The following ZMYM2 variants were observed in gnomAD, a reference collection of about 807,000 sequenced individuals.
ZMYM2 encodes zinc finger MYM-type protein 2.
In ZMYM2, 56 loss-of-function variants were observed where a neutral mutation model predicts 162.8. The observed-to-expected ratio is 0.34, with a 90% CI of 0.28 to 0.43. ZMYM2 has a LOEUF of 0.43. Among genes scored for constraint, ZMYM2 ranks in the 20% least tolerant of loss-of-function variants. The pLI is 1.00. For missense variants in ZMYM2, 1,275 were observed against 1,621.8 expected (o/e 0.79, Z 3.67); for synonymous variants, 510 against 541.6 (o/e 0.94, Z 0.81).
chr13:19,923,642 A>G, the ZMYM2 span, among the ~76,000 whole-genome samples: 1 of 146,144 alleles, frequency 6.8e-6, no homozygotes, highest in Non-Finnish European at 1.5e-5. Flanking sequence ...TACAAGTGTG[A>G]ACCACAATAC....
Position 20,083,673 on chromosome 13 carries a change from A to G in ZMYM2, c.3838A>G (p.Lys1280Glu). ...TTTTTAAGATAAAATTACTACTGGA[A>G]AAAGAAAACATGAAGATGATGAGCC... The part of the protein sequence containing the change: ...TDNEDKITTG[K>E]RKHEDDEPVF... The change falls in exon 24 of 25, where the codon AAA becomes GAA. Residue 1280 changes from lysine to glutamate, a missense_variant. This residue lies in a region of ZMYM2 where 103 missense variants were observed against 192.2 expected (regional missense o/e 0.54). Transcript: ENST00000610343. 6.5e-7 allele frequency: 1 copy of G among 1,544,434 alleles called. No individual in the cohort carries two copies. Among genetic ancestry groups the G allele is most frequent in the Non-Finnish European group, 8.8e-7 (1 of 1,135,540 alleles).
chr13:19,936,240 T>C, the ZMYM2 span, among the ~76,000 whole-genome samples: 2 of 152,212 alleles, frequency 1.3e-5, no homozygotes, highest in Non-Finnish European at 2.9e-5. Context: ...GTCTGTGTTA[T>C]ATGGTGATTT....
At chr13:19,896,441 G>A in the ZMYM2 span, among the ~76,000 whole-genome samples, 15,409 of 149,744 alleles carry the variant, frequency 0.1, 996 homozygotes, top group Middle Eastern at 0.13. Flanking sequence ...ACTGCACCCA[G>A]CCTCTAAGTA....
At chr13:20,043,319 A>T (rs1343815890) in intron 12 of ZMYM2, among the ~76,000 whole-genome samples, 4 of 152,194 alleles carry the variant, frequency 2.6e-5, no homozygotes, top group Non-Finnish European at 4.4e-5. Flanking sequence ...AGCAGGATCC[A>T]TCCTCATTGG....
At chr13:19,924,337 G>A in the ZMYM2 span, among the ~76,000 whole-genome samples, 2 of 152,270 alleles carry the variant, frequency 1.3e-5, no homozygotes, top group South Asian at 2.1e-4. Flanking sequence ...GCTGAAGCAG[G>A]TGGATCGCTT....
At chr13:19,898,997 C>G in the ZMYM2 span, among the ~76,000 whole-genome samples, 1 of 147,482 alleles carries the variant, frequency 6.8e-6, no homozygotes, top group East Asian at 2.0e-4. Context: ...GGAGTGCAGT[C>G]CAGGCACAAT....
chr13:19,930,063 A>G, the ZMYM2 span, among the ~76,000 whole-genome samples: 1 of 152,072 alleles, frequency 6.6e-6, no homozygotes, highest in Non-Finnish European at 1.5e-5. Flanking sequence ...TTTGAGACCA[A>G]CCTGGGCAAC....
At chr13:19,867,650 G>C in the ZMYM2 span, among the ~76,000 whole-genome samples, 3 of 152,078 alleles carry the variant, frequency 2.0e-5, no homozygotes, top group South Asian at 4.2e-4. Flanking sequence ...CTTTGAGATG[G>C]AGTCTTGCTC....
the ZMYM2 span, among the ~76,000 whole-genome samples, chr13:19,900,069 G>C: frequency 6.6e-6 from 1 of 152,142 alleles, no homozygotes. Context: ...ACTTTGGGAG[G>C]CTGAGGTGGG....
the ZMYM2 span, among the ~76,000 whole-genome samples, chr13:19,874,216 A>ATTTCTT: frequency 1.1e-4 from 16 of 151,628 alleles, no homozygotes; most frequent in East Asian, 2.9e-3. Context: ...GATTTTCTTT[A>ATTTCTT]TTTCTTTTTC....
chr13:20,051,447 C>T lies in ZMYM2; in HGVS notation c.2307C>T (p.Asp769=). The T allele has an allele frequency of 1.2e-6, 2 of 1,612,196 alleles. No homozygotes were observed. The highest frequency in any genetic ancestry group is 1.7e-6 in the Non-Finnish European group (2 of 1,179,116). ...QDWYYKAARC[D]CCKSQGTLKE... ...TTTAAATTAAGGCTGCAAGGTGTGA[C>T]TGTTGTAAATCTCAAGGAACTCTTA... Residue 769 remains aspartate, a synonymous_variant, in exon 13 of 25, where the codon GAC becomes GAT. Coordinates refer to ENST00000610343, the MANE Select transcript of ZMYM2 (RefSeq NM_197968.4).
At chr13:19,943,959 G>A in the ZMYM2 span, among the ~76,000 whole-genome samples, 2 of 152,088 alleles carry the variant, frequency 1.3e-5, no homozygotes, top group Admixed American at 1.3e-4. Flanking sequence ...CTGTTTGAGG[G>A]GAATGAGAAG....
chr13:19,879,055 GATC>G, the ZMYM2 span, among the ~76,000 whole-genome samples: 1 of 152,242 alleles, frequency 6.6e-6, no homozygotes, highest in South Asian at 2.1e-4. Context: ...AGAACTAAGA[GATC>G]ATTACCAAAT....
At chr13:19,906,297 TATATATATATA>T in the ZMYM2 span, among the ~76,000 whole-genome samples, 2 of 100,714 alleles carry the variant, frequency 2.0e-5, no homozygotes, top group African/African-American at 7.4e-5. Flanking sequence ...TATATATATA[TATATATATATA>T]TATATATATA....
the ZMYM2 span, among the ~76,000 whole-genome samples, chr13:19,907,353 G>A: frequency 3.9e-5 from 6 of 152,132 alleles, no homozygotes; most frequent in Non-Finnish European, 8.8e-5. Context: ...GGGTTCATCA[G>A]TTATAACAAA....
intron 21 of ZMYM2, among the ~76,000 whole-genome samples, chr13:20,068,646 G>A (rs1956858093): frequency 6.6e-6 from 1 of 152,066 alleles, no homozygotes; most frequent in African/African-American, 2.4e-5. Context: ...GGAGGGAGGG[G>A]GAGACTAGGA....
chr13:20,062,379 T>C (rs947338011), intron 17 of ZMYM2, among the ~76,000 whole-genome samples: 1 of 152,204 alleles, frequency 6.6e-6, no homozygotes, highest in Non-Finnish European at 1.5e-5. Flanking sequence ...TTTCTTGCCA[T>C]GATTACAACA....
At chr13:20,079,427 A>G (rs1309288639) in intron 21 of ZMYM2, among the ~76,000 whole-genome samples, 2 of 145,964 alleles carry the variant, frequency 1.4e-5, no homozygotes, top group Non-Finnish European at 1.5e-5. Flanking sequence ...AGACAGGCCT[A>G]TTCTATCTAT....
intron 6 of ZMYM2, among the ~76,000 whole-genome samples, chr13:20,010,483 T>A (rs1470462826): frequency 1.3e-5 from 2 of 152,176 alleles, no homozygotes; most frequent in Non-Finnish European, 1.5e-5. Context: ...GATTACAGTG[T>A]GAGCCACCGT....
Sources: allele counts gnomAD v4.1 joint callset (sites outside exome capture counted in the v4.1 genomes callset), GRCh38; gene constraint gnomAD v4.1.1; regional missense constraint gnomAD v4.1.1; transcripts MANE v1.5; gene names NCBI Gene and HGNC (gene_info 2026-07-23, HGNC 2026-07-21).